The following POLR3B variants were observed in gnomAD, a reference collection of about 807,000 sequenced individuals.
POLR3B encodes the protein RNA polymerase III subunit B.
Under a neutral mutation model 147.4 loss-of-function variants are expected in POLR3B, and 96 were observed. That is an observed-to-expected ratio of 0.65 (90% CI 0.55 to 0.77). The LOEUF (loss-of-function observed/expected upper bound fraction) is 0.77. POLR3B is among the 30% of genes least tolerant of loss of function. POLR3B has a pLI of 0.00. For missense variants in POLR3B, 1,036 were observed against 1,413.5 expected (o/e 0.73, Z 4.28); for synonymous variants, 461 against 485.9 (o/e 0.95, Z 0.67).
At position 106,409,892 on chromosome 12, in the gene POLR3B, T is replaced by C. The variant is rs778414462; in HGVS notation, c.967-934T>C. Among the ~76,000 whole-genome samples the C allele has an allele frequency of 6.6e-5, 10 of 152,182 alleles. No homozygotes were observed. The South Asian group carries it at 1.2e-3, about 19-fold the overall frequency. On this transcript the variant is annotated intron_variant, in intron 11 of 27. Transcript: ENST00000228347. Reference sequence around the variant, plus strand: ...TGTCTTTTTAGATGTAGGATCTACTTCAGTTTTTTTGTCTCTCCAAACAAA... The same window carrying C: ...TGTCTTTTTAGATGTAGGATCTACTCCAGTTTTTTTGTCTCTCCAAACAAA...
chr12:106,432,904 C>G (rs2037528536), intron 15 of POLR3B, among the ~76,000 whole-genome samples: 1 of 152,202 alleles, frequency 6.6e-6, no homozygotes, highest in African/African-American at 2.4e-5. Flanking sequence ...GGATCCCTCT[C>G]CTTTGGCTCA....
At chr12:106,373,950 T>C (rs2036643180) in intron 6 of POLR3B, among the ~76,000 whole-genome samples, 1 of 152,174 alleles carries the variant, frequency 6.6e-6, no homozygotes, top group African/African-American at 2.4e-5. Flanking sequence ...GCTTTTCATG[T>C]TTCAGGTTTT....
intron 19 of POLR3B, among the ~76,000 whole-genome samples, chr12:106,447,827 C>G (rs1234553370): frequency 6.6e-6 from 1 of 152,198 alleles, no homozygotes; most frequent in Non-Finnish European, 1.5e-5. Context: ...CTTCAAACTA[C>G]TGGGACTTTT....
chr12:106,359,731 T>C (rs911288391), intron 1 of POLR3B, among the ~76,000 whole-genome samples: 1 of 152,206 alleles, frequency 6.6e-6, no homozygotes, highest in Non-Finnish European at 1.5e-5. Context: ...ATGCATTATG[T>C]TATTTAATCC....
At chr12:106,475,324 GA>G (rs1387656200) in intron 23 of POLR3B, among the ~76,000 whole-genome samples, 1 of 108,424 alleles carries the variant, frequency 9.2e-6, no homozygotes, top group East Asian at 2.1e-4. Context: ...GTGTGGTGCT[GA>G]AAAAAATGTA....
At chr12:106,424,704 GTAT>G (rs1287891608) in intron 12 of POLR3B, among the ~76,000 whole-genome samples, 11 of 151,880 alleles carry the variant, frequency 7.2e-5, no homozygotes, top group African/African-American at 2.2e-4. Context: ...TTTTCTCTGA[GTAT>G]TATTATAAAC....
At chr12:106,428,436 A>G (rs970575199) in intron 13 of POLR3B, among the ~76,000 whole-genome samples, 2 of 152,164 alleles carry the variant, frequency 1.3e-5, no homozygotes, top group African/African-American at 2.4e-5. Context: ...AAAATTCTTA[A>G]TGTTGCTATT....
intron 10 of POLR3B, among the ~76,000 whole-genome samples, chr12:106,393,848 A>T (rs1026690257): frequency 6.6e-6 from 1 of 151,790 alleles, no homozygotes; most frequent in Admixed American, 6.6e-5. Flanking sequence ...ACATGGAGGG[A>T]GCCCCAGCAG....
chr12:106,366,209 ATGT>A (rs1189347829), intron 2 of POLR3B, among the ~76,000 whole-genome samples: 4 of 152,322 alleles, frequency 2.6e-5, no homozygotes, highest in South Asian at 4.1e-4. Context: ...GTTGAATGAA[ATGT>A]TGTTATGTGG....
At chr12:106,478,131 TC>T (rs1002070151) in intron 23 of POLR3B, among the ~76,000 whole-genome samples, 22 of 151,826 alleles carry the variant, frequency 1.4e-4, no homozygotes, top group Admixed American at 5.9e-4. Flanking sequence ...GGTCCCAAAT[TC>T]CTCAGCTCAG....
In POLR3B at chr12:106,457,281, G is replaced by T; in HGVS notation, c.2437G>T (p.Gly813Cys). The T allele has an allele frequency of 6.2e-7, 1 of 1,613,420 alleles. No homozygotes were observed. Among genetic ancestry groups the T allele is most frequent in the Non-Finnish European group, 8.5e-7 (1 of 1,179,526 alleles). ...GCGACATGAAATCTTAGATGCAGATGGTATTTGTTCTCCAGGTAAAAGCCT... is the reference window on the plus strand; with the variant it reads ...GCGACATGAAATCTTAGATGCAGATTGTATTTGTTCTCCAGGTAAAAGCCT... ...IWRHEILDAD[G>C]ICSPGEKVEN... The change falls in exon 21 of 28, where the codon GGT (glycine) becomes TGT (cysteine). Residue 813 changes from glycine to cysteine, a missense_variant. Physicochemically the swap from Gly to Cys is radical, Grantham distance 159. Around this residue, in one of 12 missense-constraint regions of POLR3B, gnomAD observed 202 missense variants for 272.8 expected, o/e 0.74. Transcript: ENST00000228347.
intron 12 of POLR3B, among the ~76,000 whole-genome samples, chr12:106,412,217 G>T (rs376661783): frequency 6.8e-6 from 1 of 146,432 alleles, no homozygotes. Flanking sequence ...CCAGTTTTTT[G>T]TTTTTTTTTT....
chr12:106,380,064 G>T lies in POLR3B; in HGVS notation c.648G>T (p.Met216Ile). The T allele has an allele frequency of 6.2e-7, 1 of 1,613,174 alleles. No individual in the cohort carries two copies. The highest frequency in any genetic ancestry group is 8.5e-7 in the Non-Finnish European group (1 of 1,179,400). Residue 216 changes from methionine to isoleucine, a missense_variant, in exon 9 of 28, where the codon ATG becomes ATT. This residue lies in a region of POLR3B where 217 missense variants were observed against 288.7 expected (regional missense o/e 0.75). Coordinates refer to ENST00000228347, the MANE Select transcript of POLR3B (RefSeq NM_018082.6). Reference sequence around the variant, plus strand: ...ATGAGAAAAAAAGCAGAACCAATATGGCTGTGAAACAAGGACGATTTTATT... The same window carrying T: ...ATGAGAAAAAAAGCAGAACCAATATTGCTGTGAAACAAGGACGATTTTATT... The part of the protein sequence containing the change: ...STHEKKSRTN[M>I]AVKQGRFYLR...
chr12:106,413,405 C>T (rs1565888880), intron 12 of POLR3B, among the ~76,000 whole-genome samples: 1 of 151,928 alleles, frequency 6.6e-6, no homozygotes, highest in Non-Finnish European at 1.5e-5. Flanking sequence ...TATTTTTTTA[C>T]TTTAGGCAAA....
In POLR3B at chr12:106,500,795, G is replaced by A. The variant is rs142457889; in HGVS notation, c.2985-528G>A. On this transcript the variant is annotated intron_variant, in intron 25 of 27. Transcript: ENST00000228347. ...TGGCGGGACACTGGAATAGGAAACAGTGAGGTGTGCAGGAACTGGAGTATG... is the reference window on the plus strand; with the variant it reads ...TGGCGGGACACTGGAATAGGAAACAATGAGGTGTGCAGGAACTGGAGTATG... 9.6e-4 allele frequency among the ~76,000 whole-genome samples: 146 copies of A among 152,330 alleles called. 1 individual carries two copies. In the East Asian group the frequency reaches 0.023, roughly 24 times the overall value.
At chr12:106,458,668 C>T (rs1052967999) in intron 21 of POLR3B, among the ~76,000 whole-genome samples, 3 of 152,128 alleles carry the variant, frequency 2.0e-5, no homozygotes, top group Non-Finnish European at 4.4e-5. Context: ...GAGTACGCGA[C>T]TTCTCCTCCC....
intron 12 of POLR3B, among the ~76,000 whole-genome samples, chr12:106,425,376 C>T (rs1014285574): frequency 2.0e-5 from 3 of 152,110 alleles, no homozygotes; most frequent in Non-Finnish European, 4.4e-5. Context: ...GGACCTCTTC[C>T]GGGGGTAGAC....
intron 23 of POLR3B, among the ~76,000 whole-genome samples, chr12:106,490,334 A>G (rs904714681): frequency 1.3e-5 from 2 of 152,212 alleles, no homozygotes; most frequent in African/African-American, 2.4e-5. Flanking sequence ...AAGGGTTTCA[A>G]TTAATCAGCC....
chr12:106,373,061 T>C (rs1395922340), intron 6 of POLR3B, among the ~76,000 whole-genome samples: 1 of 152,234 alleles, frequency 6.6e-6, no homozygotes, highest in African/African-American at 2.4e-5. Flanking sequence ...AGAGGTATTC[T>C]CCAGTTGTTT....
Sources: gnomAD v4.1 joint callset for allele counts (sites outside exome capture counted in the v4.1 genomes callset) on GRCh38, gnomAD v4.1.1 for gene constraint, gnomAD v4.1.1 regional missense constraint, MANE v1.5 for transcripts, NCBI Gene and HGNC (gene_info 2026-07-23, HGNC 2026-07-21) for gene names.